Variants in MCC observed in about 807,000 individuals in gnomAD.
The protein encoded by MCC is MCC regulator of Wnt signaling pathway.
A neutral mutation model predicts 116.2 loss-of-function variants in MCC; 90 were observed. The observed-to-expected ratio is 0.77, with a 90% CI of 0.65 to 0.92. The LOEUF (loss-of-function observed/expected upper bound fraction) is 0.92, where lower values mean the gene tolerates loss of function less well. MCC is among the 40% of genes least tolerant of loss of function. The pLI is 0.00. For synonymous variants in MCC, 578 were observed against 510.5 expected (o/e 1.13, Z -1.78); for missense variants, 1,516 against 1,312.2 (o/e 1.16, Z -2.40).
At chr5:113,122,461 A>G (rs1002481791) in intron 6 of MCC, among the ~76,000 whole-genome samples, 1 of 152,264 alleles carries the variant, frequency 6.6e-6, no homozygotes, top group Non-Finnish European at 1.5e-5. Flanking sequence ...ATTTTCAAAT[A>G]GAAGTGACTT....
chr5:113,126,985 C>G (rs552889403), intron 5 of MCC, among the ~76,000 whole-genome samples: 22 of 152,232 alleles, frequency 1.4e-4, no homozygotes, highest in African/African-American at 5.1e-4. Context: ...CAGCCCAATA[C>G]CCAATGGTTA....
rs186344246 is a variant in MCC, at chr5:113,442,675, A to C, written c.170+45570T>G. ...TAATCCATCTTGAGTTAATTTTTGC[A>C]TAAGGTGTAAGGAAGGGATCCAGTT... On this transcript the variant is annotated intron_variant, in intron 1 of 18. Coordinates refer to ENST00000408903, the MANE Select transcript of MCC (RefSeq NM_001085377.2). Among the ~76,000 whole-genome samples, 4 of 152,304 alleles carry C rather than the reference A, an allele frequency of 2.6e-5. No individual in the cohort carries two copies. The East Asian group carries it at 7.7e-4, about 29-fold the overall frequency.
chr5:113,145,240 G>T (rs1041587780), intron 4 of MCC, among the ~76,000 whole-genome samples: 6 of 152,182 alleles, frequency 3.9e-5, no homozygotes, highest in African/African-American at 1.4e-4. Context: ...AACATGTACA[G>T]ATGTAGTGGA....
intron 14 of MCC, among the ~76,000 whole-genome samples, chr5:113,060,141 G>C (rs1753117557): frequency 6.6e-6 from 1 of 150,930 alleles, no homozygotes; most frequent in Non-Finnish European, 1.5e-5. Context: ...TCAAGGAGCA[G>C]CTCTTTTTGT....
At chr5:113,367,423 C>T (rs986550950) in intron 2 of MCC, among the ~76,000 whole-genome samples, 1 of 146,398 alleles carries the variant, frequency 6.8e-6, no homozygotes, top group East Asian at 2.1e-4. Flanking sequence ...AGGCTTTCTC[C>T]TGGAGCTTTT....
intron 1 of MCC, among the ~76,000 whole-genome samples, chr5:113,409,189 T>A (rs1769912705): frequency 6.6e-6 from 1 of 152,182 alleles, no homozygotes; most frequent in Non-Finnish European, 1.5e-5. Flanking sequence ...AAAATGCATA[T>A]TAGCACTTGT....
chr5:113,175,144 G>C (rs1433035120), intron 3 of MCC, among the ~76,000 whole-genome samples: 1 of 152,172 alleles, frequency 6.6e-6, no homozygotes, highest in Non-Finnish European at 1.5e-5. Context: ...TGTAGCTTTT[G>C]TGCTTTGAAA....
At chr5:113,321,743 T>C (rs1434639109) in intron 3 of MCC, among the ~76,000 whole-genome samples, 1 of 152,264 alleles carries the variant, frequency 6.6e-6, no homozygotes, top group Non-Finnish European at 1.5e-5. Context: ...TCTCAAACTT[T>C]AGAGTGAATA....
chr5:113,322,602 C>T (rs1467759321), intron 3 of MCC, among the ~76,000 whole-genome samples: 1 of 152,162 alleles, frequency 6.6e-6, no homozygotes, highest in African/African-American at 2.4e-5. Flanking sequence ...AAGTCAACAT[C>T]AACCAGTAAT....
At chr5:113,042,244 G>A (rs1561744849) in intron 17 of MCC, among the ~76,000 whole-genome samples, 1 of 150,782 alleles carries the variant, frequency 6.6e-6, no homozygotes, top group African/African-American at 2.4e-5. Flanking sequence ...GGCCAAGATG[G>A]GAAGATCACT....
intron 3 of MCC, among the ~76,000 whole-genome samples, chr5:113,197,899 C>T (rs760747692): frequency 5.3e-5 from 8 of 152,100 alleles, no homozygotes; most frequent in African/African-American, 7.2e-5. Flanking sequence ...GCAGGAGAGG[C>T]GGAGGAAAGC....
At chr5:113,087,145 A>G (rs1305558725) in intron 8 of MCC, among the ~76,000 whole-genome samples, 1 of 152,244 alleles carries the variant, frequency 6.6e-6, no homozygotes, top group African/African-American at 2.4e-5. Flanking sequence ...AAGGCACTGG[A>G]AAGCTTTTCA....
chr5:113,385,717 A>C (rs1769238226), intron 1 of MCC, among the ~76,000 whole-genome samples: 1 of 152,186 alleles, frequency 6.6e-6, no homozygotes, highest in African/African-American at 2.4e-5. Flanking sequence ...AACATCATTT[A>C]ATCTTGACTT....
intron 1 of MCC, among the ~76,000 whole-genome samples, chr5:113,458,519 G>A (rs1771646347): frequency 6.6e-6 from 1 of 152,222 alleles, no homozygotes; most frequent in South Asian, 2.1e-4. Flanking sequence ...CTTGAAGTCA[G>A]TGAGACCAAG....
chr5:113,483,897 C>T (rs1333203930), intron 1 of MCC, among the ~76,000 whole-genome samples: 1 of 152,042 alleles, frequency 6.6e-6, no homozygotes, highest in Non-Finnish European at 1.5e-5. Flanking sequence ...TTTGCAAGGA[C>T]ATGGATGGGA....
chr5:113,316,356 G>A (rs1217414628), intron 3 of MCC, among the ~76,000 whole-genome samples: 2 of 151,482 alleles, frequency 1.3e-5, no homozygotes, highest in Non-Finnish European at 2.9e-5. Context: ...TATTGCTTAA[G>A]ACCCTTTGTA....
At chr5:113,033,250 CTT>C (rs1363484335) in intron 17 of MCC, among the ~76,000 whole-genome samples, 2 of 152,224 alleles carry the variant, frequency 1.3e-5, no homozygotes, top group African/African-American at 2.4e-5. Context: ...CCAGCTGACT[CTT>C]GTCATCAGGC....
intron 5 of MCC, among the ~76,000 whole-genome samples, chr5:113,139,934 G>A (rs1759081726): frequency 6.6e-6 from 1 of 152,004 alleles, no homozygotes; most frequent in African/African-American, 2.4e-5. Context: ...GGGATCTAAT[G>A]AAGCTTAAGA....
intron 3 of MCC, among the ~76,000 whole-genome samples, chr5:113,310,603 C>T (rs1767114101): frequency 1.3e-5 from 2 of 152,162 alleles, no homozygotes; most frequent in African/African-American, 4.8e-5. Flanking sequence ...TGTTTCTTCA[C>T]ATAGTTCATA....
Sources: gnomAD v4.1 joint callset for allele counts (sites outside exome capture counted in the v4.1 genomes callset) on GRCh38, gnomAD v4.1.1 for gene constraint, MANE v1.5 for transcripts, NCBI Gene and HGNC (gene_info 2026-07-23, HGNC 2026-07-21) for gene names.